XPR1: variants seen among roughly 807,000 people sequenced by gnomAD.
The protein encoded by XPR1 is xenotropic and polytropic retrovirus receptor 1, also known as solute carrier family 53 member 1.
In XPR1, 28 loss-of-function variants were observed where a neutral mutation model predicts 87.5. The ratio of observed to expected loss-of-function variants is 0.32; its 90% CI spans 0.24 to 0.44. The LOEUF is 0.44. Ranked by LOEUF, XPR1 falls within the 20% of genes least tolerant of loss-of-function variation. The pLI, the probability that XPR1 is intolerant of heterozygous loss-of-function variation, is 1.00. For synonymous variants in XPR1, 300 were observed against 306.1 expected (o/e 0.98, Z 0.21); for missense variants, 559 against 862.3 (o/e 0.65, Z 4.41).
At chr1:180,768,010 A>C (rs918158997) in intron 2 of XPR1, among the ~76,000 whole-genome samples, 2 of 151,974 alleles carry the variant, frequency 1.3e-5, no homozygotes, top group African/African-American at 4.8e-5. Context: ...ATTCCTGGCT[A>C]ATTTTTTGTA....
At chr1:180,738,560 G>A (rs1217700230) in intron 2 of XPR1, among the ~76,000 whole-genome samples, 1 of 152,110 alleles carries the variant, frequency 6.6e-6, no homozygotes, top group Non-Finnish European at 1.5e-5. Flanking sequence ...TTGTTTAGTG[G>A]TTTTAGTATA....
intron 2 of XPR1, among the ~76,000 whole-genome samples, chr1:180,695,948 T>A (rs1046609773): frequency 6.6e-6 from 1 of 152,018 alleles, no homozygotes; most frequent in Non-Finnish European, 1.5e-5. Flanking sequence ...TTTGGGATTT[T>A]TTTTTCTATT....
intron 1 of XPR1, among the ~76,000 whole-genome samples, chr1:180,673,700 G>T (rs1333873089): frequency 6.6e-6 from 1 of 152,194 alleles, no homozygotes; most frequent in Non-Finnish European, 1.5e-5. Flanking sequence ...CTTTTCATGA[G>T]AATCTAACTA....
intron 12 of XPR1, 124 bp from the exon 13 acceptor site, chr1:180,873,679 C>T (rs1652574711): frequency 9.6e-7 from 1 of 1,042,238 alleles, no homozygotes; most frequent in Non-Finnish European, 1.4e-6. Flanking sequence ...TACAACTTTC[C>T]TCTTGAGCCT....
intron 2 of XPR1, among the ~76,000 whole-genome samples, chr1:180,738,635 G>GC (rs1264597614): frequency 6.6e-6 from 1 of 152,060 alleles, no homozygotes; most frequent in African/African-American, 2.4e-5. Flanking sequence ...GTTTTAATTT[G>GC]CATTTCTCTA....
chr1:180,786,168 A>G (rs1270090980), intron 2 of XPR1, among the ~76,000 whole-genome samples: 1 of 149,824 alleles, frequency 6.7e-6, no homozygotes, highest in African/African-American at 2.4e-5. Context: ...ATGTGTAAAT[A>G]AAAGTTTTGT....
Position 180,863,837 on chromosome 1 carries a change from A to G in XPR1, c.1631A>G (p.Asn544Ser), listed in dbSNP as rs1369181569. ...CTCTTCGATAAGAATGCTGGAGAGA[A>G]CACTTTCCTCCGGGAAGAGATTGTA... ...WGLFDKNAGE[N>S]TFLREEIVYP... is the part of the protein sequence containing the mutation. Residue 544 changes from asparagine (N) to serine (S), a missense_variant, in exon 12 of 15, where the codon AAC becomes AGC. Asn to Ser is a conservative substitution (Grantham distance 46). Coordinates refer to ENST00000367590, the MANE Select transcript of XPR1 (RefSeq NM_004736.4). 23 of 1,608,176 alleles carry G rather than the reference A, an allele frequency of 1.4e-5. No individual in the cohort carries two copies. Among genetic ancestry groups the G allele is most frequent in the Non-Finnish European group, 1.9e-5 (22 of 1,178,284 alleles).
chr1:180,881,342 T>C (rs931904828), intron 14 of XPR1, among the ~76,000 whole-genome samples: 1 of 152,104 alleles, frequency 6.6e-6, no homozygotes, highest in Non-Finnish European at 1.5e-5. Context: ...TTTTTGTGTT[T>C]TTGGTAGAGA....
chr1:180,861,988 A>G (rs1652237692), intron 11 of XPR1, among the ~76,000 whole-genome samples: 1 of 152,148 alleles, frequency 6.6e-6, no homozygotes, highest in Non-Finnish European at 1.5e-5. Flanking sequence ...AATTAATAAA[A>G]TTAAAAAGTA....
At chr1:180,822,901 A>G (rs1256152202) in intron 7 of XPR1, among the ~76,000 whole-genome samples, 1 of 152,204 alleles carries the variant, frequency 6.6e-6, no homozygotes. Context: ...TCTATATACT[A>G]CAGAGAATAC....
At chr1:180,699,230 A>C (rs1190389676) in intron 2 of XPR1, among the ~76,000 whole-genome samples, 1 of 75,408 alleles carries the variant, frequency 1.3e-5, no homozygotes, top group African/African-American at 5.0e-5. Flanking sequence ...TTTTTTTATT[A>C]TACTCTAAGT....
At chr1:180,818,081 G>A (rs1416882698) in intron 7 of XPR1, among the ~76,000 whole-genome samples, 2 of 151,546 alleles carry the variant, frequency 1.3e-5, no homozygotes, top group African/African-American at 2.4e-5. Flanking sequence ...TTAAAAAATA[G>A]TATGTGTTTC....
intron 4 of XPR1, 43 bp downstream of exon 4, chr1:180,803,654 T>G (rs779174642): frequency 1.3e-6 from 2 of 1,528,642 alleles, no homozygotes; most frequent in Non-Finnish European, 1.8e-6. Flanking sequence ...TTTAAGTAAA[T>G]GAGAAATTTC....
intron 2 of XPR1, 81 bp from the exon 3 acceptor site, chr1:180,787,672 A>G (rs935796547): frequency 6.2e-5 from 60 of 968,542 alleles, no homozygotes; most frequent in Non-Finnish European, 8.1e-5. Flanking sequence ...AAACTCAAAA[A>G]GTAATCTTAG....
chr1:180,818,785 G>C (rs1650507527), intron 7 of XPR1, among the ~76,000 whole-genome samples: 2 of 152,154 alleles, frequency 1.3e-5, no homozygotes, highest in African/African-American at 4.8e-5. Context: ...TTTAATCCCA[G>C]TAAATCTACA....
intron 2 of XPR1, among the ~76,000 whole-genome samples, chr1:180,691,627 G>T (rs977388625): frequency 2.0e-5 from 3 of 152,108 alleles, no homozygotes; most frequent in Admixed American, 6.5e-5. Context: ...CCAGTCTTGT[G>T]AACAGGTTTT....
At chr1:180,848,207 A>G (rs1301310873) in intron 11 of XPR1, among the ~76,000 whole-genome samples, 2 of 152,140 alleles carry the variant, frequency 1.3e-5, no homozygotes, top group Non-Finnish European at 2.9e-5. Context: ...TTGAAACTGT[A>G]TATTATTGTT....
intron 7 of XPR1, among the ~76,000 whole-genome samples, chr1:180,822,589 C>CT (rs1327012733): frequency 6.6e-6 from 1 of 152,054 alleles, no homozygotes; most frequent in Non-Finnish European, 1.5e-5. Flanking sequence ...TAATAGGCAC[C>CT]TAATCAATAC....
At chr1:180,764,724 C>T (rs1017821098) in intron 2 of XPR1, among the ~76,000 whole-genome samples, 1 of 151,878 alleles carries the variant, frequency 6.6e-6, no homozygotes, top group African/African-American at 2.4e-5. Flanking sequence ...CCCGCCTCAG[C>T]CTCCCAAAGT....
Sources: gnomAD v4.1 joint callset for allele counts (sites outside exome capture counted in the v4.1 genomes callset) on GRCh38, gnomAD v4.1.1 for gene constraint, MANE v1.5 for transcripts, NCBI Gene and HGNC (gene_info 2026-07-23, HGNC 2026-07-21) for gene names.